Variants in ST6GALNAC3 observed in about 807,000 individuals in gnomAD.
The protein encoded by ST6GALNAC3 is alpha-N-acetylgalactosaminide alpha-2,6-sialyltransferase 3.
A neutral mutation model predicts 32.7 loss-of-function variants in ST6GALNAC3; 25 were observed. The ratio of observed to expected loss-of-function variants is 0.76; its 90% confidence interval spans 0.56 to 1.07. The LOEUF (loss-of-function observed/expected upper bound fraction) is 1.07. Ranked by LOEUF, ST6GALNAC3 falls within the 50% of genes least tolerant of loss-of-function variation. The pLI is 0.00. For missense variants in ST6GALNAC3, 355 were observed against 382.4 expected (o/e 0.93, Z 0.60); for synonymous variants, 129 against 133.1 (o/e 0.97, Z 0.21).
rs1489909314 is a variant in ST6GALNAC3, at chr1:76,629,929, G to A, written c.*1123G>A. 3 of 984,980 alleles carry A rather than the reference G, an allele frequency of 3.0e-6. No individual in the cohort carries two copies. Among genetic ancestry groups the A allele is most frequent in the South Asian group, 9.4e-5 (2 of 21,288 alleles). The allele number at this position is 984,980 out of a possible 1,614,324, so 61.0% of individuals were successfully genotyped here. A position where few individuals can be genotyped will look rare whatever the true frequency, so the allele number is the denominator to read the frequency against. On this transcript the variant is annotated 3_prime_UTR_variant, in exon 5 of 5. Transcript: ENST00000328299. ...ATATTAAACCTGACCAGAGCTTTTT[G>A]CCTTCTAGGGATTTATTTTTCCCAT...
At chr1:76,620,768 G>A (rs1648591271) in intron 3 of ST6GALNAC3, among the ~76,000 whole-genome samples, 1 of 151,940 alleles carries the variant, frequency 6.6e-6, no homozygotes, top group African/African-American at 2.4e-5. Flanking sequence ...ATGAATTTGG[G>A]GGAACAAAAT....
chr1:76,585,323 T>C (rs1293538166), intron 3 of ST6GALNAC3, among the ~76,000 whole-genome samples: 1 of 151,260 alleles, frequency 6.6e-6, no homozygotes, highest in African/African-American at 2.4e-5. Context: ...GCAGTGGAGG[T>C]TGCAGTGAGC....
At chr1:76,338,600 AT>A (rs1647697458) in intron 2 of ST6GALNAC3, among the ~76,000 whole-genome samples, 1 of 152,140 alleles carries the variant, frequency 6.6e-6, no homozygotes, top group Admixed American at 6.5e-5. Flanking sequence ...GTCTGGAGAC[AT>A]TTTGTTTATC....
At chr1:76,278,200 T>TCCTCTCCACTTG (rs1659280869) in intron 1 of ST6GALNAC3, among the ~76,000 whole-genome samples, 1 of 145,716 alleles carries the variant, frequency 6.9e-6, no homozygotes, top group South Asian at 2.1e-4. Flanking sequence ...CAGTATCATG[T>TCCTCTCCACTTG]ATTCTCATTA....
intron 2 of ST6GALNAC3, among the ~76,000 whole-genome samples, chr1:76,331,182 C>T (rs899852958): frequency 2.0e-5 from 3 of 152,028 alleles, no homozygotes; most frequent in Non-Finnish European, 4.4e-5. Context: ...GTGGTGTCCC[C>T]CTACCACTAG....
At chr1:76,300,874 GACA>G (rs1402048671) in intron 1 of ST6GALNAC3, among the ~76,000 whole-genome samples, 1 of 151,904 alleles carries the variant, frequency 6.6e-6, no homozygotes, top group Non-Finnish European at 1.5e-5. Flanking sequence ...TCACAGAGGA[GACA>G]ACATTTGAAT....
intron 1 of ST6GALNAC3, among the ~76,000 whole-genome samples, chr1:76,152,411 A>G (rs1651103619): frequency 6.6e-6 from 1 of 152,206 alleles, no homozygotes; most frequent in African/African-American, 2.4e-5. Context: ...TGAGGTAAAG[A>G]CTGCCCAGGC....
chr1:76,456,909 A>C (rs1207412010), intron 3 of ST6GALNAC3, among the ~76,000 whole-genome samples: 1 of 152,204 alleles, frequency 6.6e-6, no homozygotes, highest in Non-Finnish European at 1.5e-5. Context: ...GAGGAAGTCA[A>C]ATTGTCCCTG....
intron 1 of ST6GALNAC3, among the ~76,000 whole-genome samples, chr1:76,080,355 A>G (rs1215054372): frequency 6.6e-6 from 1 of 152,184 alleles, no homozygotes; most frequent in African/African-American, 2.4e-5. Context: ...ACAGCTGAGC[A>G]TTTCAAGGAT....
In ST6GALNAC3 at chr1:76,633,641, T is replaced by C. The variant is rs1649404470; in HGVS notation, c.*4835T>C. 6.6e-6 allele frequency: 1 copy of C among 152,216 alleles called. No homozygotes were observed. Among genetic ancestry groups the C allele is most frequent in the Non-Finnish European group, 1.5e-5 (1 of 68,036 alleles). 9.4% of individuals were successfully genotyped at this position (152,216 alleles called of 1,614,324 possible). On this transcript the variant is annotated 3_prime_UTR_variant, in exon 5 of 5. Transcript: ENST00000328299. The stretch of plus-strand genomic sequence containing the variant: ...GTCCTCATACTCAAACCAACTGTGC[T>C]GCCCAAGTTAGTGAAATTATCCATC...
At chr1:76,165,239 AGC>A (rs908893195) in intron 1 of ST6GALNAC3, among the ~76,000 whole-genome samples, 3 of 152,132 alleles carry the variant, frequency 2.0e-5, no homozygotes, top group Non-Finnish European at 4.4e-5. Flanking sequence ...CTCATCATTT[AGC>A]TCCTATTTGT....
chr1:76,346,758 A>G (rs1411935245), intron 2 of ST6GALNAC3, among the ~76,000 whole-genome samples: 1 of 152,192 alleles, frequency 6.6e-6, no homozygotes, highest in Non-Finnish European at 1.5e-5. Context: ...TCTACATGAA[A>G]TGGGGCTGGA....
chr1:76,182,935 A>G (rs1182408890), intron 1 of ST6GALNAC3, among the ~76,000 whole-genome samples: 2 of 152,072 alleles, frequency 1.3e-5, no homozygotes, highest in Non-Finnish European at 2.9e-5. Flanking sequence ...TTATTTTACT[A>G]TGTGCAAAAT....
downstream of ST6GALNAC3, among the ~76,000 whole-genome samples, chr1:76,635,070 A>G (rs1269551627): frequency 6.6e-6 from 1 of 152,186 alleles, no homozygotes; most frequent in African/African-American, 2.4e-5. Context: ...TGTTTTGTCC[A>G]TATTAACTAT....
chr1:76,251,098 T>G (rs917654894), intron 1 of ST6GALNAC3, among the ~76,000 whole-genome samples: 1 of 152,172 alleles, frequency 6.6e-6, no homozygotes, highest in Non-Finnish European at 1.5e-5. Flanking sequence ...CTACCCTTTT[T>G]TTTTATCGCC....
intron 3 of ST6GALNAC3, among the ~76,000 whole-genome samples, chr1:76,492,428 A>G (rs1260274462): frequency 3.3e-5 from 5 of 152,216 alleles, no homozygotes; most frequent in Non-Finnish European, 5.9e-5. Context: ...AATTAAAAGA[A>G]AAACATTATC....
chr1:76,430,569 T>C (rs1005557144), intron 3 of ST6GALNAC3, among the ~76,000 whole-genome samples: 1 of 152,122 alleles, frequency 6.6e-6, no homozygotes, highest in Non-Finnish European at 1.5e-5. Context: ...AGCTCAAGAG[T>C]TGACTTTTTC....
intron 1 of ST6GALNAC3, among the ~76,000 whole-genome samples, chr1:76,088,450 A>T (rs1190370234): frequency 6.6e-6 from 1 of 152,242 alleles, no homozygotes; most frequent in Non-Finnish European, 1.5e-5. Flanking sequence ...ATGTATTTGA[A>T]GAATTTCCAA....
At chr1:76,511,479 C>T (rs1661857911) in intron 3 of ST6GALNAC3, among the ~76,000 whole-genome samples, 1 of 152,152 alleles carries the variant, frequency 6.6e-6, no homozygotes, top group Non-Finnish European at 1.5e-5. Context: ...TGTGCGGTGC[C>T]CCTCCCCTTT....
Sources: allele counts gnomAD v4.1 joint callset (sites outside exome capture counted in the v4.1 genomes callset), GRCh38; gene constraint gnomAD v4.1.1; transcripts MANE v1.5; gene names NCBI Gene and HGNC (gene_info 2026-07-23, HGNC 2026-07-21).